The following NCK2 variants were observed in gnomAD, a reference collection of about 807,000 sequenced individuals.
NCK2 encodes NCK adaptor protein 2.
Under a neutral mutation model 33.9 loss-of-function variants are expected in NCK2, and 16 were observed. The observed-to-expected ratio is 0.47, with a 90% CI of 0.32 to 0.72. The LOEUF is 0.72. NCK2 is among the 30% of genes least tolerant of loss of function. The pLI, the probability that NCK2 is intolerant of heterozygous loss-of-function variation, is 0.03. For missense variants in NCK2, 418 were observed against 537.3 expected, an observed-to-expected ratio of 0.78 and a Z score of 2.19; for synonymous variants, 273 against 239.9, an observed-to-expected ratio of 1.14 and a Z score of -1.27.
intron 3 of NCK2, among the ~76,000 whole-genome samples, chr2:105,858,400 A>G (rs1677376870): frequency 6.6e-6 from 1 of 152,106 alleles, no homozygotes; most frequent in Non-Finnish European, 1.5e-5. Context: ...ACGGGCATGC[A>G]CTACCACACC....
intron 3 of NCK2, among the ~76,000 whole-genome samples, chr2:105,875,815 A>G (rs1026167037): frequency 2.0e-5 from 3 of 152,226 alleles, no homozygotes; most frequent in African/African-American, 7.2e-5. Flanking sequence ...GCCTGAACCA[A>G]TTAAGATACC....
intron 3 of NCK2, among the ~76,000 whole-genome samples, chr2:105,871,325 G>A (rs373629423): frequency 3.0e-4 from 45 of 151,874 alleles, no homozygotes; most frequent in African/African-American, 1.0e-3. Flanking sequence ...CAGGCGCTGC[G>A]CCACGTTATT....
At position 105,849,567 on chromosome 2, in the gene NCK2, C is replaced by G. The variant is rs1193974526; in HGVS notation, c.-16-5481C>G. Among the ~76,000 whole-genome samples, 4 of 152,210 alleles carry G rather than the reference C, an allele frequency of 2.6e-5. No individual in the cohort carries two copies. The South Asian group carries it at 6.2e-4, about 24-fold the overall frequency. The stretch of plus-strand genomic sequence containing the variant: ...AGCCTAAACACCCATTGTCAATACA[C>G]AGTGGGGCCTCCTAGACAATAAGTA... On this transcript the variant is annotated intron_variant, in intron 2 of 4. Coordinates refer to ENST00000233154, the MANE Select transcript of NCK2 (RefSeq NM_003581.5).
At chr2:105,773,390 T>C (rs1690199520) in intron 1 of NCK2, among the ~76,000 whole-genome samples, 1 of 152,076 alleles carries the variant, frequency 6.6e-6, no homozygotes, top group South Asian at 2.1e-4. Flanking sequence ...CATCAGTCCA[T>C]GCACCTTTGC....
rs1473799115 is a variant in NCK2, at chr2:105,823,138, GTGTGTGTGTGTGTGT to G, written c.-17+6526_-17+6540del. Among the ~76,000 whole-genome samples the G allele has an allele frequency of 1.3e-4, 3 of 23,726 alleles. No individual in the cohort carries two copies. The East Asian group carries it at 2.9e-3, about 23-fold the overall frequency. 15.6% of individuals were successfully genotyped at this position (23,726 alleles called of 152,430 possible). A position where few individuals can be genotyped will look rare whatever the true frequency, so the allele number is the denominator to read the frequency against. ...AACAAAAAGTCCTCTCATGCTGTGT[GTGTGTGTGTGTGTGT>G]GTGTGTGTGTGTGTGTGTGTCACAA... On this transcript the variant is annotated intron_variant, in intron 2 of 4. Transcript: ENST00000233154.
At chr2:105,810,275 C>A (rs1327480664) in intron 1 of NCK2, among the ~76,000 whole-genome samples, 1 of 152,074 alleles carries the variant, frequency 6.6e-6, no homozygotes, top group African/African-American at 2.4e-5. Flanking sequence ...CACCTTCTGG[C>A]CCGCTTCTTA....
chr2:105,753,435 G>C (rs934955282), intron 1 of NCK2, among the ~76,000 whole-genome samples: 1 of 152,348 alleles, frequency 6.6e-6, no homozygotes, highest in Middle Eastern at 3.4e-3. Context: ...AGCATTCCCT[G>C]GGGAGAACCG....
rs151095165 is a variant in NCK2, at chr2:105,799,646, C to T, written c.-200-16784C>T. Among the ~76,000 whole-genome samples, 5 of 152,232 alleles carry T rather than the reference C, an allele frequency of 3.3e-5. No homozygotes were observed. The East Asian group carries it at 7.7e-4, about 23-fold the overall frequency. On this transcript the variant is annotated intron_variant, in intron 1 of 4. Transcript: ENST00000233154. ...AAAGCAGAAAAACAAAACGGAATAC[C>T]ACTATATGAAAGCCTATAAAAAGCT...
rs1235034975 is a variant in NCK2 at position 105,881,451 on chromosome 2, T to A, written c.350T>A (p.Phe117Tyr). 3 of 1,613,594 alleles carry A rather than the reference T, an allele frequency of 1.9e-6. No individual in the cohort carries two copies. The highest frequency in any genetic ancestry group is 1.7e-6 in the Non-Finnish European group (2 of 1,179,986). The change falls in exon 4 of 5, where the codon TTC becomes TAC. Residue 117 changes from phenylalanine to tyrosine, a missense_variant. By Grantham distance (22) the Phe-to-Tyr change is conservative (BLOSUM62 3). Transcript: ENST00000233154. ...ATCTACGACCTCAACATCCCGGCCTTCGTCAAGTTCGCCTATGTGGCCGAG... is the reference window on the plus strand; with the variant it reads ...ATCTACGACCTCAACATCCCGGCCTACGTCAAGTTCGCCTATGTGGCCGAG... ...DRIYDLNIPA[F>Y]VKFAYVAERE...
chr2:105,744,841 C>T (rs963463705), upstream of NCK2: 1 of 159,394 alleles, frequency 6.3e-6, no homozygotes, highest in Non-Finnish European at 1.3e-5. Flanking sequence ...GCGGAGGAGG[C>T]GGGCGCTGCG....
intron 2 of NCK2, chr2:105,853,889 G>A (rs933459117): frequency 6.6e-6 from 1 of 152,352 alleles, no homozygotes; most frequent in Middle Eastern, 3.4e-3. Flanking sequence ...AGGACAGGGT[G>A]ATCAGCTGTC....
intron 1 of NCK2, among the ~76,000 whole-genome samples, chr2:105,774,713 A>T (rs763929530): frequency 2.0e-5 from 3 of 152,072 alleles, no homozygotes; most frequent in Non-Finnish European, 4.4e-5. Flanking sequence ...GGCCTGGATG[A>T]CGAAATCTGT....
chr2:105,752,833 T>A (rs1390826539), intron 1 of NCK2, among the ~76,000 whole-genome samples: 4 of 152,228 alleles, frequency 2.6e-5, no homozygotes, highest in African/African-American at 9.6e-5. Flanking sequence ...AGTATTCATA[T>A]TTCTGATAAC....
intron 1 of NCK2, among the ~76,000 whole-genome samples, chr2:105,778,995 A>C (rs1690399477): frequency 6.6e-6 from 1 of 152,170 alleles, no homozygotes; most frequent in Non-Finnish European, 1.5e-5. Context: ...CAAATAATTG[A>C]GAATAATTTT....
At chr2:105,783,592 G>A (rs1690573265) in intron 1 of NCK2, among the ~76,000 whole-genome samples, 2 of 152,252 alleles carry the variant, frequency 1.3e-5, no homozygotes, top group Non-Finnish European at 2.9e-5. Flanking sequence ...AGCCGTTCGC[G>A]GAGAATAATG....
chr2:105,856,689 T>C (rs1414125556), intron 3 of NCK2: 1 of 152,234 alleles, frequency 6.6e-6, no homozygotes, highest in Non-Finnish European at 1.5e-5. Flanking sequence ...GAGAGATAAG[T>C]GAGACATGGA....
chr2:105,775,220 G>A (rs574259768), intron 1 of NCK2, among the ~76,000 whole-genome samples: 32 of 152,252 alleles, frequency 2.1e-4, no homozygotes, highest in Admixed American at 3.9e-4. Context: ...TGGCATGTGG[G>A]TGCCTAATCA....
intron 2 of NCK2, among the ~76,000 whole-genome samples, chr2:105,852,059 A>C (rs1339565244): frequency 6.8e-6 from 1 of 146,360 alleles, no homozygotes; most frequent in Non-Finnish European, 1.5e-5. Flanking sequence ...TAGAATTCTG[A>C]GTTGGAATAA....
At chr2:105,835,393 A>ATATGTATATATATATATATGTGTG (rs1553458580) in intron 2 of NCK2, among the ~76,000 whole-genome samples, 4 of 51,672 alleles carry the variant, frequency 7.7e-5, no homozygotes, top group East Asian at 6.6e-4. Flanking sequence ...ATACACATAT[A>ATATGTATATATATATATATGTGTG]TATATATATA....
Sources: allele counts gnomAD v4.1 joint callset (sites outside exome capture counted in the v4.1 genomes callset), GRCh38; gene constraint gnomAD v4.1.1; transcripts MANE v1.5; gene names NCBI Gene and HGNC (gene_info 2026-07-23, HGNC 2026-07-21).